Variants in LINGO2 observed in about 807,000 individuals in gnomAD.
LINGO2 encodes the protein leucine-rich repeat and immunoglobulin-like domain-containing nogo receptor-interacting protein 2.
In LINGO2, 14 loss-of-function variants were observed where a neutral mutation model predicts 30.6. The observed-to-expected ratio is 0.46, with a 90% CI of 0.30 to 0.72. LINGO2 has a LOEUF of 0.72. Among genes scored for constraint, LINGO2 ranks in the 30% least tolerant of loss-of-function variants. The pLI is 0.07. For missense variants in LINGO2, 729 were observed against 751.7 expected, an observed-to-expected ratio of 0.97 and a Z score of 0.35; for synonymous variants, 317 against 288.5, an observed-to-expected ratio of 1.10 and a Z score of -1.00.
At chr9:28,867,408 G>A in the LINGO2 span, among the ~76,000 whole-genome samples, 1 of 151,294 alleles carries the variant, frequency 6.6e-6, no homozygotes, top group Non-Finnish European at 1.5e-5. Flanking sequence ...AAAAGCAAGT[G>A]ATTGCTAACA....
In LINGO2 at chr9:28,314,790, C is replaced by T. The variant is rs1015305868; in HGVS notation, c.-245-19424G>A. On this transcript the variant is annotated intron_variant, in intron 3 of 5. Transcript: ENST00000379992. ...ACTAGGTCAGAAGATAGAGACCATC[C>T]TGGCTAACACGATGAAACCCCGTCT... 1.1e-4 allele frequency among the ~76,000 whole-genome samples: 17 copies of T among 152,076 alleles called. No individual in the cohort carries two copies. In the East Asian group the frequency reaches 1.4e-3, roughly 12 times the overall value.
rs1343270638 is a variant in LINGO2 at position 28,080,205 on chromosome 9, T to C, written c.-86-67800A>G. On this transcript the variant is annotated intron_variant, in intron 4 of 5. Coordinates refer to ENST00000379992, the Ensembl canonical transcript of LINGO2. Reference sequence around the variant, plus strand: ...TGTCTCTTAAAATACACATCATGTTTTCTTATGTCTTTGCTTAACGTTATT... The same window carrying C: ...TGTCTCTTAAAATACACATCATGTTCTCTTATGTCTTTGCTTAACGTTATT... Among the ~76,000 whole-genome samples, 3 of 152,378 alleles carry C rather than the reference T, an allele frequency of 2.0e-5. No individual in the cohort carries two copies. The East Asian group carries it at 5.8e-4, about 29-fold the overall frequency.
chr9:29,069,495 AGT>A, the LINGO2 span, among the ~76,000 whole-genome samples: 1 of 152,024 alleles, frequency 6.6e-6, no homozygotes. Flanking sequence ...GAATATTTAT[AGT>A]ACACATCCCA....
At chr9:27,995,717 C>G (rs1423105110) in intron 5 of LINGO2, among the ~76,000 whole-genome samples, 7 of 152,100 alleles carry the variant, frequency 4.6e-5, no homozygotes, top group Non-Finnish European at 1.0e-4. Context: ...TAATATACCT[C>G]TAAACAATAA....
the LINGO2 span, chr9:27,937,929 T>C: frequency 6.6e-6 from 1 of 152,076 alleles, no homozygotes; most frequent in Admixed American, 6.6e-5. Context: ...TCTCTTCCAA[T>C]AAAGGAGAAA....
At chr9:28,724,371 G>C in the LINGO2 span, among the ~76,000 whole-genome samples, 5 of 152,118 alleles carry the variant, frequency 3.3e-5, no homozygotes, top group Non-Finnish European at 7.4e-5. Context: ...TGATCAATTA[G>C]ATTTAGTTCC....
At chr9:29,051,185 T>A in the LINGO2 span, among the ~76,000 whole-genome samples, 1 of 152,120 alleles carries the variant, frequency 6.6e-6, no homozygotes, top group East Asian at 1.9e-4. Flanking sequence ...GGTTCAGTCA[T>A]GGTGTTATAC....
intron 4 of LINGO2, among the ~76,000 whole-genome samples, chr9:28,197,342 GT>G (rs1290329615): frequency 1.3e-5 from 2 of 151,726 alleles, no homozygotes; most frequent in East Asian, 3.9e-4. Context: ...ATTAAAATAT[GT>G]TATAAGGCTA....
At chr9:27,995,262 T>TA (rs773004951) in intron 5 of LINGO2, among the ~76,000 whole-genome samples, 2 of 152,078 alleles carry the variant, frequency 1.3e-5, no homozygotes, top group African/African-American at 4.8e-5. Context: ...CCTCCCATCA[T>TA]AAAAAATCCC....
the LINGO2 span, among the ~76,000 whole-genome samples, chr9:28,938,323 T>C: frequency 1.3e-5 from 2 of 152,246 alleles, no homozygotes; most frequent in African/African-American, 4.8e-5. Flanking sequence ...TTTCTCATTT[T>C]TTAATAATAT....
chr9:28,789,961 A>G, the LINGO2 span, among the ~76,000 whole-genome samples: 1 of 152,174 alleles, frequency 6.6e-6, no homozygotes, highest in South Asian at 2.1e-4. Context: ...TGGTACATAT[A>G]TATTTCTATA....
At chr9:28,456,131 T>C (rs1445774801) in intron 2 of LINGO2, among the ~76,000 whole-genome samples, 3 of 152,232 alleles carry the variant, frequency 2.0e-5, no homozygotes, top group African/African-American at 7.2e-5. Context: ...TGTTGTGTTT[T>C]ATAAGCCATA....
chr9:28,549,877 C>T (rs1822182711), intron 1 of LINGO2, among the ~76,000 whole-genome samples: 1 of 151,300 alleles, frequency 6.6e-6, no homozygotes, highest in Admixed American at 6.6e-5. Flanking sequence ...TCATTTTACC[C>T]TCCATTTTTG....
chr9:28,205,016 C>T (rs1564041612), intron 4 of LINGO2, among the ~76,000 whole-genome samples: 1 of 152,056 alleles, frequency 6.6e-6, no homozygotes, highest in Non-Finnish European at 1.5e-5. Context: ...AAGCAATGGT[C>T]TTCATATGTG....
intron 2 of LINGO2, among the ~76,000 whole-genome samples, chr9:28,465,800 G>A (rs1825277392): frequency 6.6e-6 from 1 of 152,106 alleles, no homozygotes; most frequent in Non-Finnish European, 1.5e-5. Flanking sequence ...ATGGGTTAAA[G>A]ATCTGAGTAG....
the LINGO2 span, among the ~76,000 whole-genome samples, chr9:28,833,452 A>G: frequency 6.6e-6 from 1 of 152,176 alleles, no homozygotes; most frequent in South Asian, 2.1e-4. Flanking sequence ...TAACCTTGCT[A>G]GTCATCTTTA....
intron 1 of LINGO2, among the ~76,000 whole-genome samples, chr9:28,667,375 T>C (rs1828843947): frequency 2.0e-5 from 3 of 152,164 alleles, no homozygotes; most frequent in Admixed American, 2.0e-4. Context: ...TTAAAACATT[T>C]ACAGAGAGTC....
chr9:28,643,551 A>T (rs1048673292), intron 1 of LINGO2, among the ~76,000 whole-genome samples: 3 of 152,146 alleles, frequency 2.0e-5, no homozygotes, highest in East Asian at 1.9e-4. Flanking sequence ...TGAATTAAAG[A>T]CTTAAATATT....
At chr9:28,676,231 T>C in the LINGO2 span, among the ~76,000 whole-genome samples, 1 of 151,966 alleles carries the variant, frequency 6.6e-6, no homozygotes, top group Non-Finnish European at 1.5e-5. Flanking sequence ...GATTAAGTTA[T>C]ATGATGCCAA....
Sources: allele counts gnomAD v4.1 joint callset (sites outside exome capture counted in the v4.1 genomes callset), GRCh38; gene constraint gnomAD v4.1.1; transcripts MANE v1.5; gene names NCBI Gene and HGNC (gene_info 2026-07-23, HGNC 2026-07-21).